The following AUH variants were observed in gnomAD, a reference collection of about 807,000 sequenced individuals.
AUH encodes methylglutaconyl-CoA hydratase, mitochondrial.
AUH carries 29 observed loss-of-function variants against 42.3 expected under a neutral mutation model. The observed-to-expected ratio is 0.69, with a 90% CI of 0.51 to 0.93. AUH has a LOEUF of 0.93. Ranked by LOEUF, AUH falls within the 40% of genes least tolerant of loss-of-function variation. The pLI is 0.00. For synonymous variants in AUH, 174 were observed against 166.4 expected, an observed-to-expected ratio of 1.05 and a Z score of -0.35; for missense variants, 452 against 438.1, an observed-to-expected ratio of 1.03 and a Z score of -0.28.
At chr9:91,222,151 A>G (rs992454927) in intron 6 of AUH, among the ~76,000 whole-genome samples, 7 of 151,828 alleles carry the variant, frequency 4.6e-5, no homozygotes, top group East Asian at 3.9e-4. Context: ...GAGTGATTTT[A>G]TCTTAAAAAA....
chr9:91,266,382 TAA>T (rs1829979619), intron 6 of AUH, among the ~76,000 whole-genome samples: 1 of 150,768 alleles, frequency 6.6e-6, no homozygotes, highest in African/African-American at 2.4e-5. Flanking sequence ...AATAAATAAA[TAA>T]ATAAATAAAA....
At chr9:91,323,600 T>A (rs528450432) in intron 4 of AUH, among the ~76,000 whole-genome samples, 1 of 149,530 alleles carries the variant, frequency 6.7e-6, no homozygotes, top group East Asian at 2.0e-4. Context: ...TCCAGCCTGG[T>A]GATAGAGCGA....
At chr9:91,237,167 C>T (rs1466799924) in intron 6 of AUH, among the ~76,000 whole-genome samples, 1 of 152,098 alleles carries the variant, frequency 6.6e-6, no homozygotes, top group Non-Finnish European at 1.5e-5. Flanking sequence ...AAGATGAATG[C>T]CAATAATGCT....
chr9:91,286,370 T>C lies in AUH; in HGVS notation c.655+9651A>G, dbSNP rs569640769. ...AAAAAAGACAAAACTGGAGTTGGTC[T>C]CTTTTTCTGGTTCCATGAAACCTCT... On this transcript the variant is annotated intron_variant, in intron 6 of 9. Transcript: ENST00000375731. Among the ~76,000 whole-genome samples, 4 of 152,274 alleles carry C rather than the reference T, an allele frequency of 2.6e-5. No homozygotes were observed. The East Asian group carries it at 7.7e-4, about 29-fold the overall frequency.
intron 6 of AUH, among the ~76,000 whole-genome samples, chr9:91,284,194 C>G (rs941274089): frequency 7.9e-5 from 12 of 152,006 alleles, no homozygotes; most frequent in South Asian, 4.2e-4. Flanking sequence ...ACAAACCTGA[C>G]AAAAACAAGA....
chr9:91,221,388 A>G (rs999667276), intron 6 of AUH, among the ~76,000 whole-genome samples: 1 of 152,234 alleles, frequency 6.6e-6, no homozygotes, highest in East Asian at 1.9e-4. Flanking sequence ...CTTTCAGCTT[A>G]AATAAATCTT....
intron 7 of AUH, chr9:91,218,892 C>T: frequency 1.0e-6 from 1 of 985,422 alleles, no homozygotes; most frequent in Non-Finnish European, 1.2e-6. Context: ...TGTAATTTTG[C>T]AGTCACATAT....
intron 6 of AUH, among the ~76,000 whole-genome samples, chr9:91,225,904 T>C (rs1587634511): frequency 6.6e-6 from 1 of 151,668 alleles, no homozygotes; most frequent in African/African-American, 2.4e-5. Flanking sequence ...GGCTGCATAG[T>C]ATTCCATGGT....
chr9:91,266,620 T>C (rs1244215467), intron 6 of AUH, among the ~76,000 whole-genome samples: 2 of 152,194 alleles, frequency 1.3e-5, no homozygotes, highest in Non-Finnish European at 2.9e-5. Flanking sequence ...GAGTGTCATA[T>C]AATTTGATTT....
At chr9:91,293,174 GA>G (rs1827050044) in intron 6 of AUH, among the ~76,000 whole-genome samples, 1 of 152,096 alleles carries the variant, frequency 6.6e-6, no homozygotes, top group Admixed American at 6.6e-5. Flanking sequence ...AAACAGTATT[GA>G]AATTAGGCCA....
At chr9:91,228,931 A>G (rs1207454440) in intron 6 of AUH, among the ~76,000 whole-genome samples, 2 of 152,130 alleles carry the variant, frequency 1.3e-5, no homozygotes, top group East Asian at 3.8e-4. Flanking sequence ...GTTTGTTTTA[A>G]TTTCTGTTAT....
At chr9:91,290,951 T>G (rs1449893453) in intron 6 of AUH, among the ~76,000 whole-genome samples, 1 of 152,170 alleles carries the variant, frequency 6.6e-6, no homozygotes, top group Non-Finnish European at 1.5e-5. Flanking sequence ...ACCTGGTACC[T>G]CTGAACAACT....
Position 91,283,951 on chromosome 9 carries a change from G to GA in AUH, c.655+12069dup, listed in dbSNP as rs564983371. Among the ~76,000 whole-genome samples, 15 of 149,372 alleles carry GA rather than the reference G, an allele frequency of 1.0e-4. No homozygotes were observed. In the East Asian group the frequency reaches 2.9e-3, roughly 29 times the overall value. On this transcript the variant is annotated intron_variant, in intron 6 of 9. Transcript: ENST00000375731. ...ACCAATGACTTTCTCCACAGAATTA[G>GA]AAAAAACTACTTTAAAGTTCATATG...
At chr9:91,282,975 A>C (rs1400998839) in intron 6 of AUH, among the ~76,000 whole-genome samples, 2 of 152,224 alleles carry the variant, frequency 1.3e-5, no homozygotes, top group East Asian at 3.8e-4. Context: ...GGCCAGCATC[A>C]TCCTGATACC....
intron 4 of AUH, among the ~76,000 whole-genome samples, chr9:91,323,205 T>C (rs1007930463): frequency 6.6e-6 from 1 of 152,138 alleles, no homozygotes; most frequent in African/African-American, 2.4e-5. Flanking sequence ...GGGGAGGAGA[T>C]AAAAACTGCA....
chr9:91,235,697 T>C (rs1828137291), intron 6 of AUH, among the ~76,000 whole-genome samples: 1 of 152,196 alleles, frequency 6.6e-6, no homozygotes, highest in African/African-American at 2.4e-5. Context: ...ATTTTATAAG[T>C]CACCTGTTCC....
chr9:91,236,268 C>T lies in AUH; in HGVS notation c.656-15276G>A, dbSNP rs1400038915. On this transcript the variant is annotated intron_variant, in intron 6 of 9. Coordinates refer to ENST00000375731, the MANE Select transcript of AUH (RefSeq NM_001698.3). ...AACTGGTGGCAGGGGTTGGGGGGAT[C>T]GGGGTGGGGGTCTGGAACTTTGCCA... 7.9e-5 allele frequency among the ~76,000 whole-genome samples: 4 copies of T among 50,348 alleles called. No homozygotes were observed. The Admixed American group carries it at 8.2e-4, about 10-fold the overall frequency. 33.0% of individuals were successfully genotyped at this position (50,348 alleles called of 152,430 possible).
chr9:91,312,147 C>G (rs941795967), intron 4 of AUH, among the ~76,000 whole-genome samples: 1 of 152,046 alleles, frequency 6.6e-6, no homozygotes, highest in African/African-American at 2.4e-5. Context: ...GCTTTCTGAT[C>G]TCTATTTTAA....
chr9:91,300,423 A>C (rs1205498175), intron 4 of AUH, among the ~76,000 whole-genome samples: 1 of 152,274 alleles, frequency 6.6e-6, no homozygotes, highest in African/African-American at 2.4e-5. Flanking sequence ...AAGTTACTCA[A>C]GACACTCAGA....
Sources: allele counts gnomAD v4.1 joint callset (sites outside exome capture counted in the v4.1 genomes callset), GRCh38; gene constraint gnomAD v4.1.1; transcripts MANE v1.5; gene names NCBI Gene and HGNC (gene_info 2026-07-23, HGNC 2026-07-21).